The following DEFB104A variants were observed in gnomAD, a reference collection of about 807,000 sequenced individuals.
The protein encoded by DEFB104A is defensin beta 104A, also known as beta-defensin 104.
intron 1 of DEFB104A, among the ~76,000 whole-genome samples, chr8:7,838,633 T>C (rs1265034835): frequency 6.9e-6 from 1 of 145,726 alleles, no homozygotes; most frequent in Non-Finnish European, 1.5e-5. Flanking sequence ...TGAGCTGAGA[T>C]CGTGCCATTG....
intron 1 of DEFB104A, among the ~76,000 whole-genome samples, chr8:7,839,663 C>T (rs1487678749): frequency 9.2e-6 from 1 of 109,170 alleles, no homozygotes; most frequent in Non-Finnish European, 2.1e-5. Flanking sequence ...GACATAAAAC[C>T]CTGGTGCGAG....
At chr8:7,838,841 TC>T (rs1205045735) in intron 1 of DEFB104A, among the ~76,000 whole-genome samples, 1 of 141,074 alleles carries the variant, frequency 7.1e-6, no homozygotes, top group Non-Finnish European at 1.6e-5. Context: ...CACAGGTGTG[TC>T]CTCAACCTTG....
At chr8:7,839,083 T>G (rs1306858897) in intron 1 of DEFB104A, among the ~76,000 whole-genome samples, 2 of 139,618 alleles carry the variant, frequency 1.4e-5, no homozygotes, top group African/African-American at 5.1e-5. Flanking sequence ...AACTAGGTTT[T>G]TCTTCCAGCT....
chr8:7,839,153 T>G (rs1407716988), intron 1 of DEFB104A, among the ~76,000 whole-genome samples: 9 of 145,476 alleles, frequency 6.2e-5, no homozygotes, highest in Non-Finnish European at 9.3e-5. Flanking sequence ...GAGCCTTCAT[T>G]CCCATCTCTA....
chr8:7,840,033 C>A (rs1817728574), intron 1 of DEFB104A, among the ~76,000 whole-genome samples: 1 of 152,260 alleles, frequency 6.6e-6, no homozygotes, highest in Non-Finnish European at 1.5e-5. Flanking sequence ...AGAGAGCGCA[C>A]CCTGAGACTG....
At chr8:7,838,935 T>C (rs1288758420) in intron 1 of DEFB104A, among the ~76,000 whole-genome samples, 1 of 141,632 alleles carries the variant, frequency 7.1e-6, no homozygotes, top group Non-Finnish European at 1.6e-5. Flanking sequence ...GGAAAATTGC[T>C]TATGCAAGAA....
At chr8:7,838,704 A>ACAC (rs1554583356) in intron 1 of DEFB104A, among the ~76,000 whole-genome samples, 2 of 135,418 alleles carry the variant, frequency 1.5e-5, no homozygotes, top group Non-Finnish European at 3.4e-5. Flanking sequence ...AAACAAACAA[A>ACAC]AAAAAAAACA....
At chr8:7,837,621 C>T (rs961504174) in intron 1 of DEFB104A, among the ~76,000 whole-genome samples, 2 of 142,944 alleles carry the variant, frequency 1.4e-5, no homozygotes, top group African/African-American at 5.4e-5. Flanking sequence ...TTTTCTTCAA[C>T]CTTTGATCCC....
chr8:7,839,403 G>A (rs1490330835), intron 1 of DEFB104A, among the ~76,000 whole-genome samples: 1 of 144,404 alleles, frequency 6.9e-6, no homozygotes, highest in Non-Finnish European at 1.6e-5. Context: ...ACACACTGCA[G>A]CCCACCTCAC....
At chr8:7,836,861 G>A (rs1325937661) in intron 1 of DEFB104A, among the ~76,000 whole-genome samples, 1 of 141,666 alleles carries the variant, frequency 7.1e-6, no homozygotes, top group Non-Finnish European at 1.5e-5. Flanking sequence ...GGACTCACTA[G>A]CCATGCTTGT....
Position 7,837,431 on chromosome 8 carries a change from G to A in DEFB104A, c.58+889G>A, listed in dbSNP as rs370919544. Among the ~76,000 whole-genome samples the A allele has an allele frequency of 8.4e-5, 12 of 142,388 alleles. 2 individuals carry two copies. Among genetic ancestry groups the A allele is most frequent in the East Asian group, 4.6e-4 (2 of 4,330 alleles). 93.4% of individuals were successfully genotyped at this position (142,388 alleles called of 152,430 possible). On this transcript the variant is annotated intron_variant, in intron 1 of 1. Coordinates refer to ENST00000314265, the MANE Select transcript of DEFB104A (RefSeq NM_080389.3). The stretch of plus-strand genomic sequence containing the variant: ...CCAGCACCCATCTTTTTGCCCTTCC[G>A]GGCTGTGCCTCCACTGTGATTCAGA...
intron 1 of DEFB104A, among the ~76,000 whole-genome samples, chr8:7,838,653 C>T (rs1421987449): frequency 1.4e-5 from 2 of 145,656 alleles, no homozygotes; most frequent in African/African-American, 5.0e-5. Context: ...GCACTCTACC[C>T]TAGGCGACAG....
At chr8:7,838,641 T>C (rs1368988560) in intron 1 of DEFB104A, among the ~76,000 whole-genome samples, 2 of 145,684 alleles carry the variant, frequency 1.4e-5, no homozygotes, top group African/African-American at 5.0e-5. Context: ...GATCGTGCCA[T>C]TGCACTCTAC....
intron 1 of DEFB104A, among the ~76,000 whole-genome samples, chr8:7,836,828 C>T (rs1208404624): frequency 7.0e-6 from 1 of 142,364 alleles, no homozygotes; most frequent in Non-Finnish European, 1.5e-5. Flanking sequence ...GGTAACAATT[C>T]CTCATGGAAT....
chr8:7,838,703 A>AACC (rs1287278688), intron 1 of DEFB104A, among the ~76,000 whole-genome samples: 1 of 1,856 alleles, frequency 5.4e-4, no homozygotes, highest in Non-Finnish European at 1.5e-3. Flanking sequence ...AAAACAAACA[A>AACC]AAAAAAAAAC....
chr8:7,839,257 C>T (rs1216716673), intron 1 of DEFB104A, among the ~76,000 whole-genome samples: 11 of 143,756 alleles, frequency 7.7e-5, no homozygotes, highest in East Asian at 2.0e-4. Context: ...TCCCCTAACG[C>T]TAAGCTTCGT....
intron 1 of DEFB104A, among the ~76,000 whole-genome samples, chr8:7,836,972 G>T (rs1394427530): frequency 7.0e-6 from 1 of 142,728 alleles, no homozygotes; most frequent in Non-Finnish European, 1.5e-5. Context: ...GCACAGAAAA[G>T]GGCGCCTACT....
intron 1 of DEFB104A, among the ~76,000 whole-genome samples, chr8:7,838,849 C>A (rs558158160): frequency 7.1e-6 from 1 of 141,322 alleles, no homozygotes; most frequent in South Asian, 2.3e-4. Flanking sequence ...TGTCCTCAAC[C>A]TTGACAAAAT....
chr8:7,838,330 C>T (rs1483560613), intron 1 of DEFB104A, among the ~76,000 whole-genome samples: 2 of 142,530 alleles, frequency 1.4e-5, no homozygotes, highest in African/African-American at 2.8e-5. Context: ...TCCCACTGCA[C>T]CCCCACAGGC....
Sources: allele counts gnomAD v4.1 joint callset (sites outside exome capture counted in the v4.1 genomes callset), GRCh38; gene constraint gnomAD v4.1.1; transcripts MANE v1.5; gene names NCBI Gene and HGNC (gene_info 2026-07-23, HGNC 2026-07-21).